The following NUMA1 variants were observed in gnomAD, a reference collection of about 807,000 sequenced individuals.
NUMA1 encodes SP-H antigen.
Under a neutral mutation model 237.1 loss-of-function variants are expected in NUMA1, and 62 were observed. That is an observed-to-expected ratio of 0.26 (90% CI 0.21 to 0.32). The LOEUF (loss-of-function observed/expected upper bound fraction) is 0.32. Ranked by LOEUF, NUMA1 falls within the 10% of genes least tolerant of loss-of-function variation. The probability of loss-of-function intolerance (pLI) is 1.00; values close to 1 mark genes in which losing one functional copy is unlikely to be tolerated. For missense variants in NUMA1, 2,533 were observed against 2,666.5 expected, an observed-to-expected ratio of 0.95 and a Z score of 1.10; for synonymous variants, 1,028 against 1,066.1, an observed-to-expected ratio of 0.96 and a Z score of 0.70.
At chr11:72,035,324 G>C (rs1252904035) in intron 3 of NUMA1, among the ~76,000 whole-genome samples, 1 of 152,072 alleles carries the variant, frequency 6.6e-6, no homozygotes, top group Non-Finnish European at 1.5e-5. Flanking sequence ...AGAGTGATGA[G>C]AACCTTGTCC....
At chr11:72,055,371 AC>A (rs1407188663) in intron 2 of NUMA1, among the ~76,000 whole-genome samples, 1 of 152,162 alleles carries the variant, frequency 6.6e-6, no homozygotes, top group Admixed American at 6.6e-5. Flanking sequence ...CTAAGGTCAT[AC>A]AGCTAAAAAG....
intron 3 of NUMA1, 141 bp from the exon 4 acceptor site, chr11:72,029,431 G>A (rs1343657002): frequency 4.0e-6 from 2 of 500,826 alleles, no homozygotes; most frequent in African/African-American, 3.9e-5. Context: ...TTAATTTCAG[G>A]AAGGAGTGCC....
In NUMA1 at chr11:72,003,506, C is replaced by A. The variant is rs199509569; in HGVS notation, c.*21G>T. ...GTCAGCATCGGGGACACAGGTGGGG[C>A]CACTCACTGGTACTGGCCCTTTAGT... On this transcript the variant is annotated 3_prime_UTR_variant, in exon 27 of 27. Coordinates refer to ENST00000393695, the MANE Select transcript of NUMA1 (RefSeq NM_006185.4). 52 of 1,613,466 alleles carry A rather than the reference C, an allele frequency of 3.2e-5. No individual in the cohort carries two copies. The African/African-American group carries it at 6.4e-4, about 20-fold the overall frequency.
At chr11:72,041,656 G>GA in intron 2 of NUMA1, 1 of 152,316 alleles carries the variant, frequency 6.6e-6, no homozygotes, top group African/African-American at 2.4e-5. Context: ...CAGGCCCTCT[G>GA]ATCGGGGGCA....
chr11:72,007,893 G>A, intron 20 of NUMA1: 1 of 352,778 alleles, frequency 2.8e-6, no homozygotes, highest in East Asian at 7.1e-5. Flanking sequence ...CCATGCTCAT[G>A]TCCTTTCCCT....
At position 72,005,240 on chromosome 11, in the gene NUMA1, T is replaced by C. The variant is rs2134410841; in HGVS notation, c.5822A>G (p.Glu1941Gly). The C allele has an allele frequency of 1.3e-6, 2 of 1,598,634 alleles. No homozygotes were observed. The highest frequency in any genetic ancestry group is 2.3e-5 in the East Asian group (1 of 43,584). Residue 1941 changes from glutamate to glycine, a missense_variant, in exon 23 of 27, where the codon GAG (glutamate) becomes GGG (glycine). Glu to Gly is a moderately conservative substitution (Grantham distance 98, BLOSUM62 -2). Coordinates refer to ENST00000393695, the MANE Select transcript of NUMA1 (RefSeq NM_006185.4). ...AGTGACCCCAGGCCTCACCCTGGAC[T>C]CCAGGGGATAGCAGGTCTTCAGATG... ...PPHLKTCYPL[E>G]SRPSLSLGTI... is the part of the protein sequence containing the mutation.
intron 1 of NUMA1, among the ~76,000 whole-genome samples, chr11:72,070,897 C>A (rs1943418981): frequency 6.6e-6 from 1 of 152,178 alleles, no homozygotes; most frequent in Non-Finnish European, 1.5e-5. Context: ...ATCACGATAA[C>A]CTTTTAAATA....
chr11:72,018,833 G>A lies in NUMA1; in HGVS notation c.732C>T (p.Leu244=), dbSNP rs770808774. ...ELELAENRKL[L]TEKDAQIAMM... ...GTGCCAGCCACCTACCCTTCTCGGTGAGGAGCTTGCGGTTCTCAGCTAGCT... is the reference window on the plus strand; with the variant it reads ...GTGCCAGCCACCTACCCTTCTCGGTAAGGAGCTTGCGGTTCTCAGCTAGCT... The change falls in exon 10 of 27, where the codon CTC becomes CTT. Residue 244 remains leucine, a synonymous_variant. Transcript: ENST00000393695. The A allele has an allele frequency of 2.5e-6, 4 of 1,610,118 alleles. No individual in the cohort carries two copies. In the Admixed American group the frequency reaches 5.0e-5, roughly 20 times the overall value.
Position 72,010,862 on chromosome 11 carries a change from G to C in NUMA1, c.4651-8C>G. ...CTTACTCAGTTCTTCCACCTGGGGA[G>C]GGAAGAGGAGGACAGAAGACTCAGG... On this transcript the variant is annotated splice_polypyrimidine_tract_variant and splice_region_variant and intron_variant, in intron 16 of 26. Transcript: ENST00000393695. 1 of 1,613,102 alleles carries C rather than the reference G, an allele frequency of 6.2e-7. No homozygotes were observed. Among genetic ancestry groups the C allele is most frequent in the African/African-American group, 1.3e-5 (1 of 75,040 alleles).
intron 6 of NUMA1, 102 bp downstream of exon 6, chr11:72,022,963 A>C: frequency 1.3e-6 from 1 of 779,720 alleles, no homozygotes; most frequent in East Asian, 2.5e-5. Context: ...GAAATAAAGC[A>C]CCCATCATCT....
At chr11:72,035,460 T>G (rs1259320853) in intron 3 of NUMA1, among the ~76,000 whole-genome samples, 1 of 151,148 alleles carries the variant, frequency 6.6e-6, no homozygotes, top group Non-Finnish European at 1.5e-5. Flanking sequence ...CAGGCTGGAG[T>G]GCAATGGTGT....
chr11:72,047,585 C>T (rs777698327), intron 2 of NUMA1, among the ~76,000 whole-genome samples: 43 of 152,280 alleles, frequency 2.8e-4, no homozygotes, highest in South Asian at 1.2e-3. Context: ...GCCTGGCACT[C>T]AAGGCCCTCC....
chr11:72,080,161 C>A (rs1944016394), intron 1 of NUMA1, among the ~76,000 whole-genome samples: 1 of 152,092 alleles, frequency 6.6e-6, no homozygotes, highest in Non-Finnish European at 1.5e-5. Flanking sequence ...GGACCCGACC[C>A]CTCGCTTACA....
rs766430228 is a variant in NUMA1 at position 72,016,143 on chromosome 11, G to A, written c.1360C>T (p.Arg454Trp). ...TGCTTTTCTTCTTCGAAGTGGCCCCGCTCAGCAAGCAGCTTGGCTTCCTGC... is the reference window on the plus strand; with the variant it reads ...TGCTTTTCTTCTTCGAAGTGGCCCCACTCAGCAAGCAGCTTGGCTTCCTGC... The part of the protein sequence containing the change: ...GQQEAKLLAE[R>W]GHFEEEKQQL... Residue 454 changes from arginine (R) to tryptophan (W), a missense_variant, in exon 15 of 27, where the codon CGG becomes TGG. Physicochemically the swap from Arg to Trp is moderately radical, Grantham distance 101 (BLOSUM62 -3). This residue lies in a region of NUMA1 where 1,414 missense variants were observed against 1,508.1 expected (regional missense o/e 0.94). Coordinates refer to ENST00000393695, the MANE Select transcript of NUMA1 (RefSeq NM_006185.4). 1.3e-5 allele frequency: 21 copies of A among 1,613,852 alleles called. No homozygotes were observed. The highest frequency in any genetic ancestry group is 2.7e-5 in the African/African-American group (2 of 74,926).
chr11:72,017,586 A>C, intron 13 of NUMA1, 101 bp downstream of exon 13: 1 of 1,414,290 alleles, frequency 7.1e-7, no homozygotes, highest in South Asian at 1.2e-5. Flanking sequence ...TTGAAGAGAA[A>C]GCAACTTAAT....
intron 2 of NUMA1, among the ~76,000 whole-genome samples, chr11:72,059,852 G>T: frequency 6.6e-6 from 1 of 152,018 alleles, no homozygotes; most frequent in African/African-American, 2.4e-5. Context: ...CTAGTTTATA[G>T]TCTCACCAAC....
chr11:72,045,541 C>T (rs1941947606), intron 2 of NUMA1, among the ~76,000 whole-genome samples: 2 of 152,212 alleles, frequency 1.3e-5, no homozygotes, highest in Non-Finnish European at 2.9e-5. Flanking sequence ...GCAAGTGGCA[C>T]AATCATGGCT....
chr11:72,054,496 A>G (rs1479700350), intron 2 of NUMA1, among the ~76,000 whole-genome samples: 1 of 152,122 alleles, frequency 6.6e-6, no homozygotes, highest in Non-Finnish European at 1.5e-5. Flanking sequence ...AAGAGTAACA[A>G]TAACAATTTC....
rs188355473 is a variant in NUMA1, at chr11:72,004,442, G to A, written c.6007-101C>T. ...AGCTGAGTGGACCTTGTAAGTCAACGTGCAACCTGCTCCCCTTCCCAACTC... is the reference window on the plus strand; with the variant it reads ...AGCTGAGTGGACCTTGTAAGTCAACATGCAACCTGCTCCCCTTCCCAACTC... On this transcript the variant is annotated intron_variant, in intron 24 of 26. Transcript: ENST00000393695. 1.9e-4 allele frequency: 238 copies of A among 1,247,384 alleles called. 3 individuals are homozygous for A. In the Middle Eastern group the frequency reaches 2.5e-3, roughly 13 times the overall value. The allele number at this position is 1,247,384 out of a possible 1,614,324, so 77.3% of individuals were successfully genotyped here.
Sources: allele counts gnomAD v4.1 joint callset (sites outside exome capture counted in the v4.1 genomes callset), GRCh38; gene constraint gnomAD v4.1.1; regional missense constraint gnomAD v4.1.1; transcripts MANE v1.5; gene names NCBI Gene and HGNC (gene_info 2026-07-23, HGNC 2026-07-21).